Variants in BAIAP2 observed in about 807,000 individuals in gnomAD.
BAIAP2 encodes BAR/IMD domain containing adaptor protein 2.
In BAIAP2, 18 loss-of-function variants were observed where a neutral mutation model predicts 63.0. The observed-to-expected ratio is 0.29, with a 90% confidence interval of 0.20 to 0.42. The LOEUF (loss-of-function observed/expected upper bound fraction) is 0.42, where lower values mean the gene tolerates loss of function less well. BAIAP2 is among the 10% of genes least tolerant of loss of function. BAIAP2 has a pLI of 1.00. For synonymous variants in BAIAP2, 386 were observed against 307.6 expected, an observed-to-expected ratio of 1.25 and a Z score of -2.67; for missense variants, 610 against 734.3, an observed-to-expected ratio of 0.83 and a Z score of 1.96.
chr17:81,108,383 A>G, intron 12 of BAIAP2, 92 bp from the exon 13 acceptor site: 1 of 1,413,298 alleles, frequency 7.1e-7, no homozygotes, highest in Non-Finnish European at 1.0e-6. Context: ...TTGTCCAGGC[A>G]GGATCACCAT....
At chr17:81,047,800 C>T (rs558390660) in intron 1 of BAIAP2, among the ~76,000 whole-genome samples, 16 of 63,748 alleles carry the variant, frequency 2.5e-4, no homozygotes, top group African/African-American at 1.0e-3. Flanking sequence ...ATGCCCACAG[C>T]ACACACAGGG....
chr17:81,064,519 C>T (rs1253394274), intron 3 of BAIAP2, among the ~76,000 whole-genome samples: 2 of 152,240 alleles, frequency 1.3e-5, no homozygotes, highest in Admixed American at 6.5e-5. Flanking sequence ...CCCAGGTCTC[C>T]GGAGCCGGGA....
intron 3 of BAIAP2, among the ~76,000 whole-genome samples, chr17:81,077,461 G>A (rs1227765860): frequency 6.6e-6 from 1 of 152,068 alleles, no homozygotes; most frequent in African/African-American, 2.4e-5. Context: ...CCAGCTACTC[G>A]GGAGGCTGAG....
At chr17:81,098,224 T>C in intron 6 of BAIAP2, 1 of 1,300,862 alleles carries the variant, frequency 7.7e-7, no homozygotes, top group East Asian at 3.0e-5. Context: ...CCTGCACCCA[T>C]GGGCAGGCTG....
chr17:81,084,812 T>C lies in BAIAP2; in HGVS notation c.218-20T>C. 6.2e-7 allele frequency: 1 copy of C among 1,612,820 alleles called. No individual in the cohort carries two copies. Among genetic ancestry groups the C allele is most frequent in the Non-Finnish European group, 8.5e-7 (1 of 1,179,708 alleles). On this transcript the variant is annotated intron_variant, in intron 3 of 13. Coordinates refer to ENST00000428708, the MANE Select transcript of BAIAP2 (RefSeq NM_001144888.2). ...GAGCACCTGACTCCCTCCCCTTCCT[T>C]CTGCTGTTCTGCTTCCCAGGAGACG...
At chr17:81,104,956 A>G (rs1170189053) in intron 10 of BAIAP2, 17 of 502,274 alleles carry the variant, frequency 3.4e-5, no homozygotes, top group African/African-American at 1.9e-5. Context: ...CTTCCCCTAC[A>G]GGAGGGATCT....
chr17:81,089,638 G>T (rs948758545), intron 6 of BAIAP2, among the ~76,000 whole-genome samples: 2 of 152,046 alleles, frequency 1.3e-5, no homozygotes, highest in Non-Finnish European at 2.9e-5. Context: ...CAGGCGGAGG[G>T]GGAGAGGGAG....
At chr17:81,039,313 C>T (rs976278028) in intron 1 of BAIAP2, among the ~76,000 whole-genome samples, 1 of 152,246 alleles carries the variant, frequency 6.6e-6, no homozygotes, top group Non-Finnish European at 1.5e-5. Context: ...CGGTTGTTGG[C>T]TCCAGGGTGT....
At chr17:81,093,299 G>A (rs2057106465) in intron 6 of BAIAP2, among the ~76,000 whole-genome samples, 1 of 152,206 alleles carries the variant, frequency 6.6e-6, no homozygotes, top group Non-Finnish European at 1.5e-5. Flanking sequence ...GCCAGCTCTG[G>A]AGGCTTCCTC....
At chr17:81,107,548 C>T (rs2059330439) in intron 12 of BAIAP2, 1 of 152,360 alleles carries the variant, frequency 6.6e-6, no homozygotes, top group African/African-American at 2.4e-5. Flanking sequence ...TTCCAGCCCG[C>T]TCCGTCCAGG....
chr17:81,059,870 C>A (rs2050244352), intron 3 of BAIAP2, among the ~76,000 whole-genome samples: 1 of 152,182 alleles, frequency 6.6e-6, no homozygotes, highest in South Asian at 2.1e-4. Context: ...GCTCTTGTGG[C>A]CCACAGTGAG....
At chr17:81,040,453 C>T (rs2143492412) in intron 1 of BAIAP2, among the ~76,000 whole-genome samples, 1 of 152,358 alleles carries the variant, frequency 6.6e-6, no homozygotes, top group Admixed American at 6.5e-5. Context: ...TACAGCTGCA[C>T]AATGACTTGA....
At chr17:81,059,335 A>G (rs1352180738) in intron 3 of BAIAP2, among the ~76,000 whole-genome samples, 2 of 152,190 alleles carry the variant, frequency 1.3e-5, no homozygotes, top group Non-Finnish European at 2.9e-5. Context: ...TGTTAGGGTG[A>G]CGGAGGCTGA....
intron 6 of BAIAP2, among the ~76,000 whole-genome samples, chr17:81,099,376 C>G (rs2058182178): frequency 6.6e-6 from 1 of 152,146 alleles, no homozygotes; most frequent in Non-Finnish European, 1.5e-5. Context: ...AGAGGGCTTC[C>G]CTGGGGTCCT....
chr17:81,052,379 C>T (rs943357269), intron 1 of BAIAP2, among the ~76,000 whole-genome samples: 15 of 152,386 alleles, frequency 9.8e-5, no homozygotes, highest in East Asian at 5.8e-4. Flanking sequence ...CCCCCGTGCA[C>T]GTGGCCTCTG....
intron 1 of BAIAP2, among the ~76,000 whole-genome samples, chr17:81,042,734 TG>T (rs1023015480): frequency 6.6e-6 from 1 of 151,134 alleles, no homozygotes; most frequent in African/African-American, 2.4e-5. Context: ...GGGATGGTGG[TG>T]GGGGAGAGGG....
intron 3 of BAIAP2, among the ~76,000 whole-genome samples, chr17:81,060,559 C>G (rs924041754): frequency 6.6e-6 from 1 of 152,208 alleles, no homozygotes; most frequent in African/African-American, 2.4e-5. Context: ...TGATCCATTG[C>G]ACAGGCAGAC....
intron 3 of BAIAP2, among the ~76,000 whole-genome samples, chr17:81,071,011 A>G (rs143819153): frequency 2.0e-3 from 303 of 152,246 alleles, no homozygotes; most frequent in African/African-American, 6.7e-3. Flanking sequence ...CTTGACACCA[A>G]GGTGGCTCTT....
intron 6 of BAIAP2, among the ~76,000 whole-genome samples, chr17:81,091,850 T>C (rs4969384): frequency 0.76 from 116,114 of 152,248 alleles, 44,317 homozygotes; most frequent in East Asian, 0.8. Context: ...TTAGTGCCTC[T>C]GGGGTCTCTG....
Sources: allele counts gnomAD v4.1 joint callset (sites outside exome capture counted in the v4.1 genomes callset), GRCh38; gene constraint gnomAD v4.1.1; transcripts MANE v1.5; gene names NCBI Gene and HGNC (gene_info 2026-07-23, HGNC 2026-07-21).